Variants in CNIH3 observed in about 807,000 individuals in gnomAD.
CNIH3 encodes the protein protein cornichon homolog 3.
In CNIH3, 14 loss-of-function variants were observed where a neutral mutation model predicts 24.1. The ratio of observed to expected loss-of-function variants is 0.58; its 90% CI spans 0.38 to 0.91. The LOEUF is 0.91. Among genes scored for constraint, CNIH3 ranks in the 40% least tolerant of loss-of-function variants. The probability of loss-of-function intolerance (pLI) is 0.00; values close to 1 mark genes in which losing one functional copy is unlikely to be tolerated. For missense variants in CNIH3, 178 were observed against 196.8 expected, an observed-to-expected ratio of 0.90 and a Z score of 0.57; for synonymous variants, 68 against 73.8, an observed-to-expected ratio of 0.92 and a Z score of 0.40.
chr1:224,518,840 T>G (rs1307326863), intron 1 of CNIH3, among the ~76,000 whole-genome samples: 2 of 152,102 alleles, frequency 1.3e-5, no homozygotes, highest in African/African-American at 4.8e-5. Flanking sequence ...GGATTTCGAG[T>G]TTAGTCCTCC....
intron 1 of CNIH3, among the ~76,000 whole-genome samples, chr1:224,649,619 A>G (rs1057140667): frequency 7.2e-5 from 11 of 152,210 alleles, no homozygotes; most frequent in African/African-American, 2.4e-4. Flanking sequence ...AGGGCTCTCT[A>G]CAGTGGTTTT....
At chr1:224,625,375 C>T (rs6699331) in intron 1 of CNIH3, among the ~76,000 whole-genome samples, 97,117 of 151,644 alleles carry the variant, frequency 0.64, 32,391 homozygotes, top group East Asian at 0.83. Context: ...TGGTGAAACC[C>T]CATCTCTCCT....
chr1:224,729,708 C>T (rs1285205877), intron 3 of CNIH3, among the ~76,000 whole-genome samples: 1 of 151,962 alleles, frequency 6.6e-6, no homozygotes, highest in Admixed American at 6.6e-5. Context: ...ATGAAGTTAC[C>T]CTTGGGAGCA....
chr1:224,460,046 T>G (rs935741195), intron 1 of CNIH3, among the ~76,000 whole-genome samples: 1 of 151,822 alleles, frequency 6.6e-6, no homozygotes, highest in Non-Finnish European at 1.5e-5. Context: ...CTGTCTAACT[T>G]TTGTACTTTT....
chr1:224,642,290 G>T (rs989889284), intron 1 of CNIH3, among the ~76,000 whole-genome samples: 1 of 152,122 alleles, frequency 6.6e-6, no homozygotes, highest in African/African-American at 2.4e-5. Flanking sequence ...GAGTACAGTG[G>T]TGCGATTATG....
intron 1 of CNIH3, among the ~76,000 whole-genome samples, chr1:224,651,128 G>A (rs756091494): frequency 6.6e-6 from 1 of 152,118 alleles, no homozygotes. Context: ...CCAGTGCAGT[G>A]AGCAGCAGTT....
intron 1 of CNIH3, among the ~76,000 whole-genome samples, chr1:224,519,903 C>T (rs1678556125): frequency 3.3e-5 from 5 of 152,182 alleles, no homozygotes; most frequent in Middle Eastern, 6.8e-3. Context: ...GACCACATTT[C>T]AAGTGCTTAC....
chr1:224,494,827 C>T (rs558906489), intron 1 of CNIH3, among the ~76,000 whole-genome samples: 1 of 152,276 alleles, frequency 6.6e-6, no homozygotes, highest in East Asian at 1.9e-4. Flanking sequence ...CCAACGCCCT[C>T]TGGATCTTTG....
At chr1:224,691,231 TG>T (rs1686915993) in intron 3 of CNIH3, among the ~76,000 whole-genome samples, 1 of 151,324 alleles carries the variant, frequency 6.6e-6, no homozygotes, top group African/African-American at 2.4e-5. Flanking sequence ...CAACCAAAGA[TG>T]GGGCCCTTCC....
intron 1 of CNIH3, among the ~76,000 whole-genome samples, chr1:224,497,049 G>T (rs1572361538): frequency 6.6e-6 from 1 of 152,172 alleles, no homozygotes; most frequent in Non-Finnish European, 1.5e-5. Context: ...GCCATAAAAA[G>T]GAATGAAGTA....
upstream of CNIH3, among the ~76,000 whole-genome samples, chr1:224,612,398 T>C (rs1682742957): frequency 6.6e-6 from 1 of 152,136 alleles, no homozygotes; most frequent in Admixed American, 6.5e-5. This position sits in a 1 kb window ranked among gnomAD's most constrained non-coding sequence, Gnocchi z 4.7. Flanking sequence ...AGGAGGAGAC[T>C]GAGCTATGCC....
At chr1:224,570,772 T>A (rs561181121) in intron 4 of CNIH3, among the ~76,000 whole-genome samples, 1 of 152,326 alleles carries the variant, frequency 6.6e-6, no homozygotes, top group East Asian at 1.9e-4. Flanking sequence ...TCTTTCTTAC[T>A]GAATGTTATA....
chr1:224,528,805 A>G (rs1678945374), intron 2 of CNIH3, among the ~76,000 whole-genome samples: 1 of 152,262 alleles, frequency 6.6e-6, no homozygotes, highest in Non-Finnish European at 1.5e-5. Flanking sequence ...TATGAACAAT[A>G]ATAATGTATT....
intron 3 of CNIH3, among the ~76,000 whole-genome samples, chr1:224,551,652 A>G (rs1160174094): frequency 6.6e-6 from 1 of 152,080 alleles, no homozygotes; most frequent in African/African-American, 2.4e-5. Context: ...CAGCTATGTT[A>G]TTTCATTAAT....
intron 1 of CNIH3, among the ~76,000 whole-genome samples, chr1:224,507,339 G>C (rs1439690531): frequency 6.6e-6 from 1 of 152,136 alleles, no homozygotes; most frequent in African/African-American, 2.4e-5. Flanking sequence ...ATAGCAATGT[G>C]ACCCTGGGCA....
chr1:224,443,226 C>T (rs1029771664), intron 1 of CNIH3, among the ~76,000 whole-genome samples: 1 of 152,302 alleles, frequency 6.6e-6, no homozygotes, highest in South Asian at 2.1e-4. Flanking sequence ...TTTTCTTTCC[C>T]TGTGAACTGA....
At chr1:224,464,596 A>G (rs377265903) in intron 1 of CNIH3, among the ~76,000 whole-genome samples, 1 of 152,150 alleles carries the variant, frequency 6.6e-6, no homozygotes, top group Non-Finnish European at 1.5e-5. Flanking sequence ...TCTCCATTGG[A>G]TTGCCTTGGC....
At chr1:224,505,656 G>A (rs546040069) in intron 1 of CNIH3, among the ~76,000 whole-genome samples, 111 of 152,294 alleles carry the variant, frequency 7.3e-4, no homozygotes, top group Middle Eastern at 3.4e-3. Context: ...GGATTACGTA[G>A]CTGCCAGAGC....
intron 2 of CNIH3, among the ~76,000 whole-genome samples, chr1:224,535,940 A>G (rs1475187885): frequency 6.6e-6 from 1 of 152,208 alleles, no homozygotes; most frequent in Non-Finnish European, 1.5e-5. Context: ...GAGCTAGAAG[A>G]TAAACACCTG....
Sources: gnomAD v4.1 joint callset for allele counts (sites outside exome capture counted in the v4.1 genomes callset) on GRCh38, gnomAD v4.1.1 for gene constraint, Gnocchi (gnomAD v3.1) non-coding constraint, MANE v1.5 for transcripts, NCBI Gene and HGNC (gene_info 2026-07-23, HGNC 2026-07-21) for gene names.